THADA: variants seen among roughly 807,000 people sequenced by gnomAD.
The protein encoded by THADA is tRNA (32-2'-O)-methyltransferase regulator THADA.
THADA carries 213 observed loss-of-function variants against 219.8 expected under a neutral mutation model. The ratio of observed to expected loss-of-function variants is 0.97; its 90% CI spans 0.87 to 1.09. The LOEUF is 1.09. Ranked by LOEUF, THADA falls within the 50% of genes least tolerant of loss-of-function variation. The pLI, the probability that THADA is intolerant of heterozygous loss-of-function variation, is 0.00. For synonymous variants in THADA, 1,018 were observed against 828.9 expected, an observed-to-expected ratio of 1.23 and a Z score of -3.92; for missense variants, 2,956 against 2,311.3, an observed-to-expected ratio of 1.28 and a Z score of -5.72.
intron 20 of THADA, among the ~76,000 whole-genome samples, chr2:43,548,822 A>G (rs1176010058): frequency 6.6e-6 from 1 of 152,190 alleles, no homozygotes; most frequent in African/African-American, 2.4e-5. Context: ...TGCGCTTCCC[A>G]AGTGAGGCAA....
rs1674941569 is a variant in THADA at position 43,293,111 on chromosome 2, T to C, written c.4541A>G (p.Gln1514Arg). 1.2e-6 allele frequency: 2 copies of C among 1,613,888 alleles called. No homozygotes were observed. Among genetic ancestry groups the C allele is most frequent in the Admixed American group, 1.7e-5 (1 of 59,996 alleles). ...TAGTCTGGTGAGGCTCTGGAGGTACTGGGGCAGGCCTGGCACCTTGAAGGC... is the reference window on the plus strand; with the variant it reads ...TAGTCTGGTGAGGCTCTGGAGGTACCGGGGCAGGCCTGGCACCTTGAAGGC... ...PWAFKVPGLP[Q>R]YLQSLTRLAI... The change falls in exon 32 of 38, where the codon CAG becomes CGG. Residue 1514 changes from glutamine (Q) to arginine (R), a missense_variant. Gln to Arg is a conservative substitution (Grantham distance 43). Coordinates refer to ENST00000405975, the MANE Select transcript of THADA (RefSeq NM_022065.5).
At chr2:43,379,414 T>C (rs1671745495) in intron 29 of THADA, among the ~76,000 whole-genome samples, 1 of 152,134 alleles carries the variant, frequency 6.6e-6, no homozygotes, top group East Asian at 1.9e-4. Context: ...AAAAGTTCAA[T>C]GACATCAGGA....
chr2:43,531,425 G>A (rs1487785688), intron 21 of THADA, among the ~76,000 whole-genome samples: 2 of 152,172 alleles, frequency 1.3e-5, no homozygotes, highest in Non-Finnish European at 2.9e-5. Flanking sequence ...AAGTAAACCT[G>A]GCTGAGTGAC....
At chr2:43,358,038 T>C (rs1334220617) in intron 29 of THADA, among the ~76,000 whole-genome samples, 1 of 152,158 alleles carries the variant, frequency 6.6e-6, no homozygotes, top group Admixed American at 6.5e-5. Flanking sequence ...AAAACTGACA[T>C]AGGCACAGTA....
At chr2:43,367,333 T>C (rs1335357889) in intron 29 of THADA, among the ~76,000 whole-genome samples, 1 of 151,678 alleles carries the variant, frequency 6.6e-6, no homozygotes, top group Non-Finnish European at 1.5e-5. Flanking sequence ...TTATGTTATG[T>C]GTCTTTTTTT....
At chr2:43,401,970 A>G (rs1204402197) in intron 28 of THADA, among the ~76,000 whole-genome samples, 1 of 152,058 alleles carries the variant, frequency 6.6e-6, no homozygotes, top group African/African-American at 2.4e-5. Flanking sequence ...TTTAAGGATC[A>G]TGAAAATATT....
At chr2:43,238,042 C>G (rs1232743768) in intron 36 of THADA, among the ~76,000 whole-genome samples, 2 of 139,672 alleles carry the variant, frequency 1.4e-5, no homozygotes, top group Non-Finnish European at 3.0e-5. Context: ...TTGCTTGAAC[C>G]CAGGAGGTGG....
At chr2:43,483,914 C>T (rs950609241) in intron 26 of THADA, among the ~76,000 whole-genome samples, 1 of 151,960 alleles carries the variant, frequency 6.6e-6, no homozygotes, top group African/African-American at 2.4e-5. Flanking sequence ...CATGACCCAA[C>T]TGTTTTAAAC....
chr2:43,323,069 C>T lies in THADA; in HGVS notation c.4344-2529G>A, dbSNP rs116777876. ...ATATACTCGGTTCTGATCATCACTC[C>T]TTTTCACTAATATGTTTTGGATACC... On this transcript the variant is annotated intron_variant, in intron 30 of 37. Coordinates refer to ENST00000405975, the MANE Select transcript of THADA (RefSeq NM_022065.5). Among the ~76,000 whole-genome samples, 505 of 152,258 alleles carry T rather than the reference C, an allele frequency of 3.3e-3. 1 individual carries two copies. The highest frequency in any genetic ancestry group is 0.012 in the African/African-American group (483 of 41,540).
chr2:43,451,024 G>A (rs1326225610), intron 26 of THADA, among the ~76,000 whole-genome samples: 1 of 152,048 alleles, frequency 6.6e-6, no homozygotes, highest in African/African-American at 2.4e-5. Context: ...ATAAATGGTG[G>A]TAATGGTTAC....
At chr2:43,451,743 T>TA (rs1294735774) in intron 26 of THADA, among the ~76,000 whole-genome samples, 4 of 152,230 alleles carry the variant, frequency 2.6e-5, no homozygotes, top group Non-Finnish European at 5.9e-5. Context: ...CACATAACCT[T>TA]AGTCAGGAAT....
intron 28 of THADA, among the ~76,000 whole-genome samples, chr2:43,423,702 C>T (rs146866909): frequency 3.4e-4 from 52 of 152,206 alleles, no homozygotes; most frequent in African/African-American, 1.2e-3. Flanking sequence ...AGACCTGATT[C>T]GTCTAAGCTC....
chr2:43,578,111 C>G (rs1416670540), intron 9 of THADA, among the ~76,000 whole-genome samples: 2 of 146,574 alleles, frequency 1.4e-5, no homozygotes, highest in African/African-American at 5.0e-5. Flanking sequence ...CCAGACAATG[C>G]AAAAAAAAAT....
In THADA at chr2:43,398,039, A is replaced by G. The variant is rs370561548; in HGVS notation, c.4159T>C (p.Leu1387=). The change falls in exon 29 of 38, where the codon TTG becomes CTG. Residue 1387 remains leucine, a synonymous_variant. Transcript: ENST00000405975. ...DHIPNTIRTL[L]STLPSCTDQC... is the part of the protein sequence containing the mutation. ...TCAGTGCAGCTGGGGAGTGTGGACA[A>G]CAGAGTTCGAATGGTATTAGGAATG... The G allele has an allele frequency of 1.5e-4, 245 of 1,613,888 alleles. No homozygotes were observed. The highest frequency in any genetic ancestry group is 2.0e-4 in the Non-Finnish European group (236 of 1,179,872).
chr2:43,263,379 T>C (rs1402438437), intron 36 of THADA, among the ~76,000 whole-genome samples: 1 of 151,990 alleles, frequency 6.6e-6, no homozygotes, highest in Non-Finnish European at 1.5e-5. Context: ...TACAGAAATA[T>C]ATGCTGGGTG....
chr2:43,457,045 T>C (rs936184679), intron 26 of THADA, among the ~76,000 whole-genome samples: 1 of 152,074 alleles, frequency 6.6e-6, no homozygotes, highest in East Asian at 1.9e-4. Flanking sequence ...CGTGTGTGTG[T>C]GTGCACACAC....
At chr2:43,586,378 A>G in intron 7 of THADA, 23 bp downstream of exon 7, 1 of 1,557,660 alleles carries the variant, frequency 6.4e-7, no homozygotes, top group Non-Finnish European at 8.7e-7. Context: ...GTGCACACAC[A>G]AATGCCAACA....
In THADA at chr2:43,526,089, T is replaced by C. The variant is rs575103836; in HGVS notation, c.3374+1790A>G. Reference sequence around the variant, plus strand: ...CTTCTTAAATATCTATTTTATTTGATTCATACAACAAAAGCCAGAGATCTG... The same window carrying C: ...CTTCTTAAATATCTATTTTATTTGACTCATACAACAAAAGCCAGAGATCTG... On this transcript the variant is annotated intron_variant, in intron 22 of 37. Coordinates refer to ENST00000405975, the MANE Select transcript of THADA (RefSeq NM_022065.5). Among the ~76,000 whole-genome samples, 9 of 152,340 alleles carry C rather than the reference T, an allele frequency of 5.9e-5. No homozygotes were observed. In the East Asian group the frequency reaches 1.7e-3, roughly 29 times the overall value.
At chr2:43,291,608 G>C (rs1483806981) in intron 34 of THADA, 88 bp downstream of exon 34, 3 of 1,010,550 alleles carry the variant, frequency 3.0e-6, no homozygotes, top group Non-Finnish European at 4.3e-6. Context: ...GGTTCTGCCT[G>C]CTAAGACTGT....
Sources: gnomAD v4.1 joint callset for allele counts (sites outside exome capture counted in the v4.1 genomes callset) on GRCh38, gnomAD v4.1.1 for gene constraint, MANE v1.5 for transcripts, NCBI Gene and HGNC (gene_info 2026-07-23, HGNC 2026-07-21) for gene names.